The following PPARA variants were observed in gnomAD, a reference collection of about 807,000 sequenced individuals.
PPARA encodes peroxisome proliferator activated receptor alpha.
In PPARA, 22 loss-of-function variants were observed where a neutral mutation model predicts 42.2. The ratio of observed to expected loss-of-function variants is 0.52; its 90% CI spans 0.37 to 0.74. PPARA has a LOEUF of 0.74. Ranked by LOEUF, PPARA falls within the 30% of genes least tolerant of loss-of-function variation. The pLI is 0.00. For synonymous variants in PPARA, 242 were observed against 239.3 expected (o/e 1.01, Z -0.10); for missense variants, 465 against 608.2 (o/e 0.76, Z 2.48).
rs1926025321 is a variant in PPARA, at chr22:46,160,643, C to T, written c.-127+8673C>T. Among the ~76,000 whole-genome samples the T allele has an allele frequency of 6.6e-6, 1 of 152,124 alleles. No individual in the cohort carries two copies. The highest frequency in any genetic ancestry group is 6.6e-5 in the Admixed American group (1 of 15,266). ...TCTTGACAGGATCTCACTCTGTCAC[C>T]AGGCTGGAGTGCAGTGGTGTGATCT... On this transcript the variant is annotated intron_variant, in intron 2 of 8. Coordinates refer to ENST00000407236, the MANE Select transcript of PPARA (RefSeq NM_005036.6). This position sits in a 1 kb window ranked among gnomAD's most constrained non-coding sequence, Gnocchi z 4.5.
In PPARA at chr22:46,203,901, A is replaced by C. The variant is rs1932991618; in HGVS notation, c.208+5310A>C. On this transcript the variant is annotated intron_variant, in intron 4 of 8. Transcript: ENST00000407236. This position sits in a 1 kb window ranked among gnomAD's most constrained non-coding sequence, Gnocchi z 5.8. ...TAAACACTTGTGGGGCAGGTTGCAG[A>C]TTCTCTGGGGACGCCCCCCTTCTCT... 6.6e-6 allele frequency among the ~76,000 whole-genome samples: 1 copy of C among 152,224 alleles called. No individual in the cohort carries two copies. The highest frequency in any genetic ancestry group is 2.4e-5 in the African/African-American group (1 of 41,458).
In PPARA at chr22:46,235,366, A is replaced by T. The variant is rs1394180587; in HGVS notation, c.1393A>T (p.Arg465Trp). ...ALHPLLQEIY[R>W]DMY ...GCACCCGCTACTGCAGGAGATCTACAGGGACATGTACTGAGTTCCTTCAGA... is the reference window on the plus strand; with the variant it reads ...GCACCCGCTACTGCAGGAGATCTACTGGGACATGTACTGAGTTCCTTCAGA... Residue 465 changes from arginine (R) to tryptophan (W), a missense_variant, in exon 9 of 9, where the codon AGG becomes TGG. Physicochemically the swap from Arg to Trp is moderately radical, Grantham distance 101. Transcript: ENST00000407236. The surrounding 1 kb of genome is among the most constrained non-coding windows in gnomAD (Gnocchi z 7.0). 1 of 1,613,906 alleles carries T rather than the reference A, an allele frequency of 6.2e-7. No homozygotes were observed. The highest frequency in any genetic ancestry group is 1.7e-5 in the Admixed American group (1 of 59,996).
At chr22:46,202,273 T>C (rs992572038) in intron 4 of PPARA, among the ~76,000 whole-genome samples, 12 of 152,192 alleles carry the variant, frequency 7.9e-5, no homozygotes, top group Non-Finnish European at 1.8e-4. Context: ...AGTAGTGTCT[T>C]TTAGGTCATT....
intron 3 of PPARA, among the ~76,000 whole-genome samples, chr22:46,197,629 C>T (rs1402454371): frequency 6.6e-6 from 1 of 152,076 alleles, no homozygotes. Flanking sequence ...TGGCCAGGCG[C>T]AGTGGCTCAC....
In PPARA at chr22:46,199,179, G is replaced by A. The variant is rs571105781; in HGVS notation, c.208+588G>A. Among the ~76,000 whole-genome samples, 17 of 152,294 alleles carry A rather than the reference G, an allele frequency of 1.1e-4. No homozygotes were observed. The South Asian group carries it at 3.3e-3, about 30-fold the overall frequency. On this transcript the variant is annotated intron_variant, in intron 4 of 8. Coordinates refer to ENST00000407236, the MANE Select transcript of PPARA (RefSeq NM_005036.6). ...AGACCCTAACCCCAGCAAGCCCGCG[G>A]GGGGCAGCTAGACATTTTTAAGAGG...
In PPARA at chr22:46,236,863, T is replaced by C. The variant is rs1189805171; in HGVS notation, c.*1483T>C. On this transcript the variant is annotated 3_prime_UTR_variant, in exon 9 of 9. Coordinates refer to ENST00000407236, the MANE Select transcript of PPARA (RefSeq NM_005036.6). The surrounding 1 kb of genome is among the most constrained non-coding windows in gnomAD (Gnocchi z 5.2). ...TGTTAAGTCTCCTTTGTATGTAAGGTAGTTTTTTCAACATCTAAAATTTTT... is the reference window on the plus strand; with the variant it reads ...TGTTAAGTCTCCTTTGTATGTAAGGCAGTTTTTTCAACATCTAAAATTTTT... 3 of 152,262 alleles carry C rather than the reference T, an allele frequency of 2.0e-5. No individual in the cohort carries two copies. The highest frequency in any genetic ancestry group is 7.2e-5 in the African/African-American group (3 of 41,474). 9.4% of individuals were successfully genotyped at this position (152,262 alleles called of 1,614,324 possible).
rs558408469 is a variant in PPARA, at chr22:46,171,470, TAGG to T, written c.-126-5277_-126-5275del. ...GTGACTTAGCCGCCTTCAGGTACAG[TAGG>T]AGGAGCAAGCCCAGGACAGGTGAGT... is the stretch of plus-strand genomic sequence containing the variant. On this transcript the variant is annotated intron_variant, in intron 2 of 8. Transcript: ENST00000407236. The surrounding 1 kb of genome is among the most constrained non-coding windows in gnomAD (Gnocchi z 5.0). The T allele has an allele frequency of 6.7e-3, 1,022 of 152,532 alleles. 9 individuals carry two copies. The highest frequency in any genetic ancestry group is 0.017 in the Middle Eastern group (5 of 300). The allele number at this position is 152,532 out of a possible 1,614,324, so 9.4% of individuals were successfully genotyped here. A position where few individuals can be genotyped will look rare whatever the true frequency, so the allele number is the denominator to read the frequency against.
rs981156596 is a variant in PPARA, at chr22:46,229,287, C to T, written c.712-2505C>T. ...CCTAGAGGCCGGGCACAGTGGCTCA[C>T]GCATGTAATCCTGGCCTGCACTTTG... On this transcript the variant is annotated intron_variant, in intron 7 of 8. Transcript: ENST00000407236. Among the ~76,000 whole-genome samples the T allele has an allele frequency of 5.3e-5, 8 of 152,136 alleles. No individual in the cohort carries two copies. In the South Asian group the frequency reaches 1.7e-3, roughly 32 times the overall value.
In PPARA at chr22:46,156,838, G is replaced by T. The variant is rs1163451448; in HGVS notation, c.-127+4868G>T. On this transcript the variant is annotated intron_variant, in intron 2 of 8. Transcript: ENST00000407236. The surrounding 1 kb of genome is among the most constrained non-coding windows in gnomAD (Gnocchi z 5.2). Reference sequence around the variant, plus strand: ...GCTGGTTTTGAACTTCTGACCTCAGGTGATCCACCTGCTTCAGCCTCCCAA... The same window carrying T: ...GCTGGTTTTGAACTTCTGACCTCAGTTGATCCACCTGCTTCAGCCTCCCAA... Among the ~76,000 whole-genome samples, 1 of 152,212 alleles carries T rather than the reference G, an allele frequency of 6.6e-6. No homozygotes were observed. Among genetic ancestry groups the T allele is most frequent in the African/African-American group, 2.4e-5 (1 of 41,456 alleles).
At chr22:46,218,034 T>C (rs1934654919) in intron 5 of PPARA, among the ~76,000 whole-genome samples, 1 of 151,890 alleles carries the variant, frequency 6.6e-6, no homozygotes, top group Admixed American at 6.6e-5. Context: ...TTGCACCATG[T>C]TGGCTAGGCT....
intron 3 of PPARA, among the ~76,000 whole-genome samples, chr22:46,181,638 A>C (rs1411241402): frequency 6.6e-6 from 1 of 152,160 alleles, no homozygotes; most frequent in Non-Finnish European, 1.5e-5. Context: ...CCTTCTTTTA[A>C]TGTCGGGTGG....
At chr22:46,177,966 G>C (rs1317168600) in intron 3 of PPARA, among the ~76,000 whole-genome samples, 3 of 152,104 alleles carry the variant, frequency 2.0e-5, no homozygotes, top group Non-Finnish European at 2.9e-5. Context: ...TCTAGCTAAG[G>C]ATTTATATCA....
In PPARA at chr22:46,243,113, AC is replaced by A. The variant is rs945989131; in HGVS notation, c.*7737del. ...CCAAAGCAGAAAGCAGAAACCACAG[AC>A]CCCGTGAGTCTCCCCATACCTTGTT... On this transcript the variant is annotated 3_prime_UTR_variant, in exon 9 of 9. Coordinates refer to ENST00000407236, the MANE Select transcript of PPARA (RefSeq NM_005036.6). This position sits in a 1 kb window ranked among gnomAD's most constrained non-coding sequence, Gnocchi z 5.0. 6.6e-6 allele frequency: 1 copy of A among 152,444 alleles called. No homozygotes were observed. The highest frequency in any genetic ancestry group is 2.4e-5 in the African/African-American group (1 of 41,412). The allele number at this position is 152,444 out of a possible 1,614,324, so 9.4% of individuals were successfully genotyped here. A position where few individuals can be genotyped will look rare whatever the true frequency, so the allele number is the denominator to read the frequency against.
In PPARA at chr22:46,204,609, T is replaced by C. The variant is rs141905281; in HGVS notation, c.208+6018T>C. Among the ~76,000 whole-genome samples the C allele has an allele frequency of 1.3e-5, 2 of 152,286 alleles. No homozygotes were observed. Among genetic ancestry groups the C allele is most frequent in the East Asian group, 1.9e-4 (1 of 5,188 alleles). ...CACTGTGGTGATTTTTATTTGCACT[T>C]CCCTGGTGATTTTGAGCATCTTTTC... On this transcript the variant is annotated intron_variant, in intron 4 of 8. Transcript: ENST00000407236. This position sits in a 1 kb window ranked among gnomAD's most constrained non-coding sequence, Gnocchi z 5.2.
intron 3 of PPARA, among the ~76,000 whole-genome samples, chr22:46,179,326 C>T (rs74657629): frequency 0.025 from 3,729 of 152,106 alleles, 150 homozygotes; most frequent in African/African-American, 0.087. Context: ...TGTAACTCAT[C>T]GTATTAACAG....
chr22:46,205,651 C>T (rs1469961193), intron 4 of PPARA, among the ~76,000 whole-genome samples: 1 of 139,910 alleles, frequency 7.1e-6, no homozygotes, highest in Non-Finnish European at 1.5e-5. Flanking sequence ...ACTGCAACCT[C>T]CTTCTCTGAG....
rs1169054055 is a variant in PPARA, at chr22:46,191,097, G to A, written c.-42-7245G>A. Among the ~76,000 whole-genome samples the A allele has an allele frequency of 6.6e-6, 1 of 152,132 alleles. No homozygotes were observed. Among genetic ancestry groups the A allele is most frequent in the Non-Finnish European group, 1.5e-5 (1 of 68,028 alleles). On this transcript the variant is annotated intron_variant, in intron 3 of 8. Coordinates refer to ENST00000407236, the MANE Select transcript of PPARA (RefSeq NM_005036.6). This position sits in a 1 kb window ranked among gnomAD's most constrained non-coding sequence, Gnocchi z 4.6. ...AGTCCCAGCTACTCAGGAGGCTGAG[G>A]CACGAGAATCGCTTGAACCCGGGAG...
Position 46,203,567 on chromosome 22 carries a change from A to G in PPARA, c.208+4976A>G, listed in dbSNP as rs1009404445. 2.0e-5 allele frequency among the ~76,000 whole-genome samples: 3 copies of G among 152,206 alleles called. No homozygotes were observed. Among genetic ancestry groups the G allele is most frequent in the Non-Finnish European group, 4.4e-5 (3 of 68,032 alleles). On this transcript the variant is annotated intron_variant, in intron 4 of 8. Transcript: ENST00000407236. This position sits in a 1 kb window ranked among gnomAD's most constrained non-coding sequence, Gnocchi z 5.8. ...TCGACTAAATCTGGGTTCTTGTGTC[A>G]TGACCAGGAAAAATTAGGCACGTGG...
At chr22:46,177,584 G>C (rs912831595) in intron 3 of PPARA, among the ~76,000 whole-genome samples, 2 of 152,184 alleles carry the variant, frequency 1.3e-5, no homozygotes, top group Admixed American at 1.3e-4. Context: ...GCAGGGATTT[G>C]AGTTTTTGTG....
Sources: gnomAD v4.1 joint callset for allele counts (sites outside exome capture counted in the v4.1 genomes callset) on GRCh38, gnomAD v4.1.1 for gene constraint, Gnocchi (gnomAD v3.1) non-coding constraint, MANE v1.5 for transcripts, NCBI Gene and HGNC (gene_info 2026-07-23, HGNC 2026-07-21) for gene names.